Variants in FAM228B observed in about 807,000 individuals in gnomAD.
FAM228B encodes the protein family with sequence similarity 228 member B, also known as protein FAM228B.
In FAM228B, 38 loss-of-function variants were observed where a neutral mutation model predicts 42.6. The ratio of observed to expected loss-of-function variants is 0.89; its 90% CI spans 0.69 to 1.17. The LOEUF is 1.17. FAM228B is among the 50% of genes most tolerant of loss of function. The probability of loss-of-function intolerance (pLI) is 0.00; values close to 1 mark genes in which losing one functional copy is unlikely to be tolerated. For synonymous variants in FAM228B, 109 were observed against 122.3 expected, an observed-to-expected ratio of 0.89 and a Z score of 0.72; for missense variants, 344 against 367.3, an observed-to-expected ratio of 0.94 and a Z score of 0.52.
chr2:24,158,165 TCACATATG>T (rs1239663451), intron 7 of FAM228B, among the ~76,000 whole-genome samples: 1 of 147,266 alleles, frequency 6.8e-6, no homozygotes, highest in Non-Finnish European at 1.5e-5. Context: ...ACCGTATTCT[TCACATATG>T]CTGGGCTTTC....
intron 3 of FAM228B, among the ~76,000 whole-genome samples, chr2:24,135,958 G>A (rs1372320937): frequency 1.4e-5 from 2 of 143,156 alleles, no homozygotes; most frequent in African/African-American, 2.6e-5. Flanking sequence ...TTTTTCTGAA[G>A]GTCAGTTATA....
chr2:24,117,845 A>G (rs1033666592), intron 3 of FAM228B, among the ~76,000 whole-genome samples: 10 of 152,244 alleles, frequency 6.6e-5, no homozygotes, highest in African/African-American at 2.4e-4. Flanking sequence ...AAAGTCAGTC[A>G]TAAGACAACT....
chr2:24,084,050 A>G lies in FAM228B; in HGVS notation c.-210+3095A>G. 7.5e-7 allele frequency: 1 copy of G among 1,333,172 alleles called. No homozygotes were observed. The highest frequency in any genetic ancestry group is 9.9e-7 in the Non-Finnish European group (1 of 1,009,362). 82.6% of individuals were successfully genotyped at this position (1,333,172 alleles called of 1,614,324 possible). A position where few individuals can be genotyped will look rare whatever the true frequency, so the allele number is the denominator to read the frequency against. On this transcript the variant is annotated intron_variant, in intron 2 of 10. Transcript: ENST00000613899. This position sits in a 1 kb window ranked among gnomAD's most constrained non-coding sequence, Gnocchi z 8.4. ...TGAACAAAGAGGGCGCCCTGGGTTTAGGTCTGGGAAGCCCCAGCGCAGCTG... is the reference window on the plus strand; with the variant it reads ...TGAACAAAGAGGGCGCCCTGGGTTTGGGTCTGGGAAGCCCCAGCGCAGCTG...
Position 24,167,610 on chromosome 2 carries a change from T to C in FAM228B, c.933-17T>C, listed in dbSNP as rs551238492. 1.3e-6 allele frequency: 2 copies of C among 1,551,426 alleles called. No homozygotes were observed. The highest frequency in any genetic ancestry group is 3.9e-5 in the Admixed American group (2 of 50,986). On this transcript the variant is annotated splice_polypyrimidine_tract_variant and intron_variant, in intron 9 of 10. Coordinates refer to ENST00000615575, the MANE Select transcript of FAM228B (RefSeq NM_001145710.2). ...TCTCGTATAACATAATGACCAAAGC[T>C]TCAATCTTCATTTAAGGTCTCCCTC...
At chr2:24,103,268 G>T (rs1450750990) in intron 3 of FAM228B, among the ~76,000 whole-genome samples, 2 of 152,204 alleles carry the variant, frequency 1.3e-5, no homozygotes, top group African/African-American at 2.4e-5. Flanking sequence ...AGGGAGGCCA[G>T]AAAGTAGCTT....
chr2:24,165,203 G>A (rs1174992564), intron 9 of FAM228B, among the ~76,000 whole-genome samples: 1 of 152,104 alleles, frequency 6.6e-6, no homozygotes. Context: ...CTCAAGCAGC[G>A]GGGCATAAAG....
intron 7 of FAM228B, among the ~76,000 whole-genome samples, chr2:24,151,747 A>G (rs1216566154): frequency 1.3e-5 from 2 of 151,588 alleles, no homozygotes; most frequent in Admixed American, 6.6e-5. Flanking sequence ...CAGTGGTGCA[A>G]TCTCGGCTCA....
rs1021864293 is a variant in FAM228B, at chr2:24,135,025, C to T, written c.100-94C>T. 9 of 810,642 alleles carry T rather than the reference C, an allele frequency of 1.1e-5. No individual in the cohort carries two copies. In the African/African-American group the frequency reaches 1.4e-4, roughly 13 times the overall value. The allele number at this position is 810,642 out of a possible 1,614,324, so 50.2% of individuals were successfully genotyped here. ...CAAACTGCATGCATAGAGAACTTTC[C>T]AGGGATATGTCTGTCATGCTAAATA... is the stretch of plus-strand genomic sequence containing the variant. On this transcript the variant is annotated intron_variant, in intron 2 of 10. Coordinates refer to ENST00000615575, the MANE Select transcript of FAM228B (RefSeq NM_001145710.2).
intron 2 of FAM228B, chr2:24,083,234 CCT>C: frequency 6.8e-6 from 10 of 1,469,384 alleles, no homozygotes; most frequent in African/African-American, 1.4e-5. Context: ...TCCAAGATCC[CCT>C]CTTTTTTTTT....
chr2:24,091,253 GA>G (rs1237140049), intron 2 of FAM228B, among the ~76,000 whole-genome samples: 1 of 152,124 alleles, frequency 6.6e-6, no homozygotes, highest in Non-Finnish European at 1.5e-5. Context: ...CTAACACGGT[GA>G]AACCCCGCCT....
In FAM228B at chr2:24,158,322, C is replaced by G. The variant is rs1667207336; in HGVS notation, c.687-3184C>G. On this transcript the variant is annotated intron_variant, in intron 7 of 10. Transcript: ENST00000615575. ...TACACTAGGCCGTACAGATTAGTCTCTCTTTTGTCCCACGATGTACTTTTT... is the reference window on the plus strand; with the variant it reads ...TACACTAGGCCGTACAGATTAGTCTGTCTTTTGTCCCACGATGTACTTTTT... 2.0e-5 allele frequency among the ~76,000 whole-genome samples: 3 copies of G among 150,618 alleles called. No homozygotes were observed. The South Asian group carries it at 6.3e-4, about 32-fold the overall frequency.
At chr2:24,129,737 G>C (rs957180382) in intron 2 of FAM228B, among the ~76,000 whole-genome samples, 22 of 151,944 alleles carry the variant, frequency 1.4e-4, no homozygotes, top group African/African-American at 5.1e-4. Flanking sequence ...TTTAAGCATA[G>C]CTATCATAAC....
At chr2:24,087,720 C>A (rs1005717442) in intron 2 of FAM228B, among the ~76,000 whole-genome samples, 8 of 151,998 alleles carry the variant, frequency 5.3e-5, no homozygotes, top group Non-Finnish European at 1.2e-4. Context: ...AAGCGATTCT[C>A]CTGCCTCAGC....
Position 24,146,994 on chromosome 2 carries a change from AC to A in FAM228B, c.595del (p.Gln199LysfsTer9). On this transcript the variant is annotated frameshift_variant, in exon 7 of 11. Transcript: ENST00000615575. LOFTEE classifies it high-confidence loss of function. ...AGGTTCAGCTGCATTCCAGATTCCCACAAATTTCTAATTCAAGGCACTTTAT... is the reference window on the plus strand; with the variant it reads ...AGGTTCAGCTGCATTCCAGATTCCCAAAATTTCTAATTCAAGGCACTTTAT... Reference protein sequence around the residue: ...EKVQLHSRFPQISNSRHFITP... With the variant: ...EKVQLHSRFPXISNSRHFITP... 1 of 1,551,518 alleles carries A rather than the reference AC, an allele frequency of 6.4e-7. No homozygotes were observed. The highest frequency in any genetic ancestry group is 8.7e-7 in the Non-Finnish European group (1 of 1,146,852).
In FAM228B at chr2:24,169,516, G is replaced by T; in HGVS notation, c.*175G>T. On this transcript the variant is annotated 3_prime_UTR_variant, in exon 11 of 11. Coordinates refer to ENST00000615575, the MANE Select transcript of FAM228B (RefSeq NM_001145710.2). This position sits in a 1 kb window ranked among gnomAD's most constrained non-coding sequence, Gnocchi z 4.2. Reference sequence around the variant, plus strand: ...TCTCTAAAAAAAAAGCATCTGCAACGAACTTCCTTTAATTTTTGAGTTCAG... The same window carrying T: ...TCTCTAAAAAAAAAGCATCTGCAACTAACTTCCTTTAATTTTTGAGTTCAG... The T allele has an allele frequency of 3.3e-6, 1 of 301,424 alleles. No homozygotes were observed. The allele number at this position is 301,424 out of a possible 1,614,324, so 18.7% of individuals were successfully genotyped here.
chr2:24,165,646 A>G (rs1667386085), intron 9 of FAM228B: 1 of 344,684 alleles, frequency 2.9e-6, no homozygotes, highest in Non-Finnish European at 5.8e-6. Context: ...TGACCATGGA[A>G]GAGCACAATT....
intron 5 of FAM228B, among the ~76,000 whole-genome samples, chr2:24,141,588 C>A (rs1238854565): frequency 2.0e-5 from 3 of 152,286 alleles, no homozygotes; most frequent in Admixed American, 6.5e-5. Flanking sequence ...CCATGTTGAT[C>A]AGGCTGGTCT....
chr2:24,138,273 A>AC (rs2151019334), intron 4 of FAM228B, among the ~76,000 whole-genome samples, 173 bp downstream of exon 4: 1 of 152,270 alleles, frequency 6.6e-6, no homozygotes, highest in South Asian at 2.1e-4. Context: ...GAAAGGAGAG[A>AC]AAAGGAAGAT....
chr2:24,090,582 A>T, intron 2 of FAM228B, among the ~76,000 whole-genome samples: 1 of 151,536 alleles, frequency 6.6e-6, no homozygotes, highest in Non-Finnish European at 1.5e-5. Context: ...AAAAAAAAAA[A>T]ATAGGAAATG....
Sources: gnomAD v4.1 joint callset for allele counts (sites outside exome capture counted in the v4.1 genomes callset) on GRCh38, gnomAD v4.1.1 for gene constraint, Gnocchi (gnomAD v3.1) non-coding constraint, MANE v1.5 for transcripts, NCBI Gene and HGNC (gene_info 2026-07-23, HGNC 2026-07-21) for gene names.